Variants in ZNF296 observed in about 807,000 individuals in gnomAD.
The protein encoded by ZNF296 is zinc finger protein 296, also known as zinc finger protein 342.
ZNF296 carries 1 observed loss-of-function variant against 13.2 expected under a neutral mutation model. The observed-to-expected ratio is 0.08, with a 90% CI of 0.03 to 0.36. The LOEUF is 0.36. Among genes scored for constraint, ZNF296 ranks in the 10% least tolerant of loss-of-function variants. The probability of loss-of-function intolerance (pLI) is 0.99; values close to 1 mark genes in which losing one functional copy is unlikely to be tolerated. For synonymous variants in ZNF296, 303 were observed against 289.0 expected, an observed-to-expected ratio of 1.05 and a Z score of -0.49; for missense variants, 555 against 688.2, an observed-to-expected ratio of 0.81 and a Z score of 2.16.
At position 45,072,496 on chromosome 19, in the gene ZNF296, C is replaced by T; in HGVS notation, c.533G>A (p.Trp178Ter). The part of the protein sequence containing the change: ...VAWKLLRHAQ[W>*]DHGLSIYQTE... Reference sequence around the variant, plus strand: ...CTGGTAGATGGACAGTCCGTGGTCCCACTGGGCGTGACGCAGCAGCTTCCA... The same window carrying T: ...CTGGTAGATGGACAGTCCGTGGTCCTACTGGGCGTGACGCAGCAGCTTCCA... The change falls in exon 3 of 3, where the codon TGG becomes TAG. Residue 178 changes from tryptophan to a stop codon, truncating the protein, a stop_gained. Transcript: ENST00000303809. LOFTEE classifies it low-confidence loss of function (END_TRUNC). 1 of 1,613,710 alleles carries T rather than the reference C, an allele frequency of 6.2e-7. No individual in the cohort carries two copies.
At chr19:45,072,701 G>A in intron 2 of ZNF296, 121 bp from the exon 3 acceptor site, 1 of 1,270,680 alleles carries the variant, frequency 7.9e-7, no homozygotes, top group South Asian at 1.5e-5. Context: ...CACCCTGGAA[G>A]GACCAGGAAG....
chr19:45,076,218 G>A lies in ZNF296; in HGVS notation c.156C>T (p.Ser52=), dbSNP rs2122638981. 2 of 1,507,266 alleles carry A rather than the reference G, an allele frequency of 1.3e-6. No homozygotes were observed. 93.4% of individuals were successfully genotyped at this position (1,507,266 alleles called of 1,614,324 possible). A position where few individuals can be genotyped will look rare whatever the true frequency, so the allele number is the denominator to read the frequency against. Reference sequence around the variant, plus strand: ...GCCCCGCCGAGGACACCTCCTTCGGGGAGAAGGGCCCCAGCCTTGGGGCCT... The same window carrying A: ...GCCCCGCCGAGGACACCTCCTTCGGAGAGAAGGGCCCCAGCCTTGGGGCCT... The part of the protein sequence containing the change: ...PQQAPRLGPF[S]PKEVSSAGRF... Residue 52 remains serine, a synonymous_variant, in exon 1 of 3, where the codon TCC becomes TCT. Transcript: ENST00000303809. The surrounding 1 kb of genome is among the most constrained non-coding windows in gnomAD (Gnocchi z 4.9).
Position 45,076,436 on chromosome 19 carries a change from C to A in ZNF296, c.-63G>T. On this transcript the variant is annotated 5_prime_UTR_variant, in exon 1 of 3. Transcript: ENST00000303809. This position sits in a 1 kb window ranked among gnomAD's most constrained non-coding sequence, Gnocchi z 4.9. Reference sequence around the variant, plus strand: ...GGCAGGCGGGCGGGCGGAGGACGCACGAGCGGAGGACGCGCGGACCGTGCG... The same window carrying A: ...GGCAGGCGGGCGGGCGGAGGACGCAAGAGCGGAGGACGCGCGGACCGTGCG... 8.6e-7 allele frequency: 1 copy of A among 1,165,910 alleles called. No homozygotes were observed. The highest frequency in any genetic ancestry group is 1.1e-6 in the Non-Finnish European group (1 of 931,696). The allele number at this position is 1,165,910 out of a possible 1,614,324, so 72.2% of individuals were successfully genotyped here.
chr19:45,072,801 G>A (rs867269267), intron 2 of ZNF296, among the ~76,000 whole-genome samples: 2 of 152,142 alleles, frequency 1.3e-5, no homozygotes, highest in African/African-American at 2.4e-5. Context: ...TCTCACTGTC[G>A]CCCAGGCTGG....
Position 45,071,889 on chromosome 19 carries a change from C to T in ZNF296, c.1140G>A (p.Lys380=), listed in dbSNP as rs1967262123. 3 of 1,613,384 alleles carry T rather than the reference C, an allele frequency of 1.9e-6. No homozygotes were observed. Among genetic ancestry groups the T allele is most frequent in the Non-Finnish European group, 2.5e-6 (3 of 1,180,008 alleles). The part of the protein sequence containing the change: ...SPKKMPKSGG[K]SRGPGGSCEF... ...CACAGCTGCCCCCGGGCCCGCGGCT[C>T]TTGCCCCCTGACTTGGGCATCTTTT... Residue 380 remains lysine (K), a synonymous_variant, in exon 3 of 3, where the codon AAG becomes AAA. Transcript: ENST00000303809.
rs748512171 is a variant in ZNF296, at chr19:45,072,097, G to A, written c.932C>T (p.Ala311Val). The change falls in exon 3 of 3, where the codon GCT becomes GTT. Residue 311 changes from alanine to valine, a missense_variant. Transcript: ENST00000303809. ...AAPPEPAVHAAAPTSTLPCSG... is the reference protein window; with the variant it reads ...AAPPEPAVHAVAPTSTLPCSG... The stretch of plus-strand genomic sequence containing the variant: ...GCATGGAAGGGTGCTGGTGGGGGCA[G>A]CAGCATGGACAGCCGGCTCCGGAGG... 1.9e-6 allele frequency: 3 copies of A among 1,611,384 alleles called. No individual in the cohort carries two copies. Among genetic ancestry groups the A allele is most frequent in the Non-Finnish European group, 2.5e-6 (3 of 1,179,100 alleles).
rs573745960 is a variant in ZNF296, at chr19:45,072,598, CAG to C, written c.449-20_449-19del. On this transcript the variant is annotated intron_variant, in intron 2 of 2. Coordinates refer to ENST00000303809, the MANE Select transcript of ZNF296 (RefSeq NM_145288.3). ...CTCTCGTTCTGGTAAGAAAAAGAGG[CAG>C]AGTGTTAGTGCGGACAGCTGCCAGC... is the stretch of plus-strand genomic sequence containing the variant. 1.4e-4 allele frequency: 223 copies of C among 1,577,610 alleles called. 1 individual carries two copies. In the South Asian group the frequency reaches 2.4e-3, roughly 17 times the overall value.
chr19:45,072,414 G>A lies in ZNF296; in HGVS notation c.615C>T (p.Ala205=), dbSNP rs764654816. 13 of 1,612,506 alleles carry A rather than the reference G, an allele frequency of 8.1e-6. No individual in the cohort carries two copies. The highest frequency in any genetic ancestry group is 1.3e-5 in the African/African-American group (1 of 74,924). ...CTGCTGGCCCCACCACTGCCGACAC[G>A]GCTGCAGCCACCTCGGCCAGGCCCA... ...PLLGLAEVAA[A]VSAVVGPAAE... The change falls in exon 3 of 3, where the codon GCC becomes GCT. Residue 205 remains alanine, a synonymous_variant. Transcript: ENST00000303809.
intron 2 of ZNF296, 118 bp from the exon 3 acceptor site, chr19:45,072,698 G>C: frequency 1.6e-6 from 2 of 1,271,252 alleles, no homozygotes; most frequent in Non-Finnish European, 2.1e-6. Flanking sequence ...ACACACCCTG[G>C]AAGGACCAGG....
At chr19:45,073,973 G>C (rs368963317) in intron 2 of ZNF296, among the ~76,000 whole-genome samples, 120 of 151,394 alleles carry the variant, frequency 7.9e-4, no homozygotes, top group African/African-American at 2.9e-3. Flanking sequence ...AGTGAGCCGA[G>C]ATCCCACCAC....
Position 45,076,448 on chromosome 19 carries a change from G to A in ZNF296, c.-75C>T, listed in dbSNP as rs1967356627. 3.6e-6 allele frequency: 4 copies of A among 1,104,062 alleles called. No individual in the cohort carries two copies. The highest frequency in any genetic ancestry group is 3.5e-5 in the East Asian group (1 of 28,662). The allele number at this position is 1,104,062 out of a possible 1,614,324, so 68.4% of individuals were successfully genotyped here. On this transcript the variant is annotated 5_prime_UTR_variant, in exon 1 of 3. Transcript: ENST00000303809. This position sits in a 1 kb window ranked among gnomAD's most constrained non-coding sequence, Gnocchi z 4.9. ...GGCGGAGGACGCACGAGCGGAGGAC[G>A]CGCGGACCGTGCGCGCTCAGGTGAG...
intron 2 of ZNF296, among the ~76,000 whole-genome samples, chr19:45,074,228 G>T (rs1446335496): frequency 1.3e-5 from 2 of 151,728 alleles, no homozygotes; most frequent in Non-Finnish European, 2.9e-5. Context: ...GGCCATGGTG[G>T]TGCACGCCTG....
chr19:45,071,817 G>C lies in ZNF296; in HGVS notation c.1212C>G (p.His404Gln). 6.2e-7 allele frequency: 1 copy of C among 1,613,420 alleles called. No individual in the cohort carries two copies. Among genetic ancestry groups the C allele is most frequent in the Non-Finnish European group, 8.5e-7 (1 of 1,179,998 alleles). Reference protein sequence around the residue: ...HFTNSSNLTVHRRSHTGERPY... With the variant: ...HFTNSSNLTVQRRSHTGERPY... Reference sequence around the variant, plus strand: ...GGCGCTCCCCGGTGTGTGAGCGCCGGTGCACCGTCAGGTTGCTGCTGTTGG... The same window carrying C: ...GGCGCTCCCCGGTGTGTGAGCGCCGCTGCACCGTCAGGTTGCTGCTGTTGG... The change falls in exon 3 of 3, where the codon CAC becomes CAG. Residue 404 changes from histidine to glutamine, a missense_variant. Physicochemically the swap from His to Gln is conservative, Grantham distance 24. Around this residue, in one of 3 missense-constraint regions of ZNF296, gnomAD observed 410 missense variants for 548.0 expected, o/e 0.75. Transcript: ENST00000303809.
At position 45,071,965 on chromosome 19, in the gene ZNF296, A is replaced by T; in HGVS notation, c.1064T>A (p.Ile355Asn). Residue 355 changes from isoleucine to asparagine, a missense_variant, in exon 3 of 3, where the codon ATC becomes AAC. Physicochemically the swap from Ile to Asn is moderately radical, Grantham distance 149. Transcript: ENST00000303809. ...AGPGGDTWGAITTEQRTDPAN... is the reference protein window; with the variant it reads ...AGPGGDTWGANTTEQRTDPAN... ...AGGGTCAGTTCTTTGTTCCGTGGTG[A>T]TGGCTCCCCAAGTGTCTCCACCAGG... The T allele has an allele frequency of 6.2e-7, 1 of 1,613,584 alleles. No homozygotes were observed. Among genetic ancestry groups the T allele is most frequent in the Non-Finnish European group, 8.5e-7 (1 of 1,180,004 alleles).
chr19:45,073,602 C>T lies in ZNF296; in HGVS notation c.449-1022G>A, dbSNP rs1394128759. On this transcript the variant is annotated intron_variant, in intron 2 of 2. Transcript: ENST00000303809. ...CTGGGATTACAGGTTTGAGCCACCG[C>T]ACCCGGCCGCCCAGGCTATTCTTTA... Among the ~76,000 whole-genome samples the T allele has an allele frequency of 6.3e-5, 9 of 143,282 alleles. No homozygotes were observed. The East Asian group carries it at 1.9e-3, about 30-fold the overall frequency. 94.0% of individuals were successfully genotyped at this position (143,282 alleles called of 152,430 possible).
chr19:45,075,530 C>A (rs1397630891), intron 2 of ZNF296, among the ~76,000 whole-genome samples, 183 bp downstream of exon 2: 5 of 151,290 alleles, frequency 3.3e-5, no homozygotes, highest in Non-Finnish European at 7.4e-5. Context: ...CCCCGCCCCC[C>A]CTCCACCGCC....
chr19:45,075,814 C>A lies in ZNF296; in HGVS notation c.347G>T (p.Arg116Leu). ...CTCCAACGGGAAGGTCTGCAGGCAGCGGCCGCAGGTCAACAGATCTGGGTG... is the reference window on the plus strand; with the variant it reads ...CTCCAACGGGAAGGTCTGCAGGCAGAGGCCGCAGGTCAACAGATCTGGGTG... The part of the protein sequence containing the change: ...DKHPDLLTCG[R>L]CLQTFPLEAI... The change falls in exon 2 of 3, where the codon CGC becomes CTC. Residue 116 changes from arginine to leucine, a missense_variant. Physicochemically the swap from Arg to Leu is moderately radical, Grantham distance 102. Around this residue, in one of 3 missense-constraint regions of ZNF296, gnomAD observed 410 missense variants for 548.0 expected, o/e 0.75. Transcript: ENST00000303809. 3 of 1,614,056 alleles carry A rather than the reference C, an allele frequency of 1.9e-6. No individual in the cohort carries two copies. Among genetic ancestry groups the A allele is most frequent in the Non-Finnish European group, 2.5e-6 (3 of 1,180,012 alleles).
chr19:45,074,036 T>A (rs1386886454), intron 2 of ZNF296, among the ~76,000 whole-genome samples: 1 of 148,676 alleles, frequency 6.7e-6, no homozygotes, highest in East Asian at 2.1e-4. Context: ...AAAAAAAATT[T>A]TTTTTGGTTT....
intron 2 of ZNF296, among the ~76,000 whole-genome samples, chr19:45,073,320 T>A (rs925794425): frequency 9.3e-5 from 14 of 151,196 alleles, no homozygotes; most frequent in Non-Finnish European, 1.6e-4. Flanking sequence ...TTGCTTTAAA[T>A]TTTTAATTTA....
Sources: allele counts gnomAD v4.1 joint callset (sites outside exome capture counted in the v4.1 genomes callset), GRCh38; gene constraint gnomAD v4.1.1; regional missense constraint gnomAD v4.1.1; non-coding constraint Gnocchi (gnomAD v3.1); transcripts MANE v1.5; gene names NCBI Gene and HGNC (gene_info 2026-07-23, HGNC 2026-07-21).